The following CD109 variants were observed in gnomAD, a reference collection of about 807,000 sequenced individuals.
CD109 encodes CD109 molecule, also known as CD109 antigen.
Under a neutral mutation model 165.8 loss-of-function variants are expected in CD109, and 149 were observed. That is an observed-to-expected ratio of 0.90 (90% CI 0.79 to 1.03). The LOEUF is 1.03. Ranked by LOEUF, CD109 falls within the 50% of genes least tolerant of loss-of-function variation. The pLI is 0.00. For synonymous variants in CD109, 585 were observed against 592.1 expected (o/e 0.99, Z 0.18); for missense variants, 1,712 against 1,677.8 (o/e 1.02, Z -0.36).
chr6:73,683,322 C>G, the CD109 span, among the ~76,000 whole-genome samples: 3 of 152,168 alleles, frequency 2.0e-5, no homozygotes, highest in African/African-American at 7.2e-5. Context: ...CCAGAAATCT[C>G]TAGGGCAGGG....
At chr6:73,691,566 TCTC>T (rs1323894791), upstream of CD109, among the ~76,000 whole-genome samples, 1 of 152,204 alleles carries the variant, frequency 6.6e-6, no homozygotes, top group Non-Finnish European at 1.5e-5. Flanking sequence ...GACACCAGCT[TCTC>T]CTGCAGGTTA....
At chr6:73,760,452 A>C (rs957764572) in intron 7 of CD109, among the ~76,000 whole-genome samples, 2 of 151,424 alleles carry the variant, frequency 1.3e-5, no homozygotes, top group Admixed American at 6.6e-5. Flanking sequence ...TCTGGCAGTA[A>C]AATGTATTGC....
intron 2 of CD109, among the ~76,000 whole-genome samples, chr6:73,719,564 T>C (rs1771869059): frequency 6.6e-6 from 1 of 152,226 alleles, no homozygotes. Flanking sequence ...TTGTAACCCA[T>C]TATTTATTTT....
intron 32 of CD109, among the ~76,000 whole-genome samples, chr6:73,822,842 T>G (rs1267418122): frequency 6.6e-6 from 1 of 152,194 alleles, no homozygotes; most frequent in African/African-American, 2.4e-5. Context: ...ATGAATAAAT[T>G]TGAAAATAGA....
At chr6:73,766,488 C>CAT (rs1168394114) in intron 11 of CD109, among the ~76,000 whole-genome samples, 84 of 146,006 alleles carry the variant, frequency 5.8e-4, no homozygotes, top group East Asian at 2.6e-3. Flanking sequence ...AATATATATA[C>CAT]ATATATATAT....
intron 2 of CD109, among the ~76,000 whole-genome samples, chr6:73,699,467 C>A (rs953597039): frequency 2.6e-5 from 4 of 152,144 alleles, no homozygotes; most frequent in African/African-American, 9.7e-5. Flanking sequence ...AATATTTGAG[C>A]TTTGCTTGGA....
intron 20 of CD109, among the ~76,000 whole-genome samples, chr6:73,786,665 A>G (rs1490018742): frequency 6.6e-6 from 1 of 152,140 alleles, no homozygotes; most frequent in Non-Finnish European, 1.5e-5. Context: ...TCAATGGGAA[A>G]ATAATTCGTA....
intron 2 of CD109, among the ~76,000 whole-genome samples, chr6:73,721,570 T>C (rs1771950987): frequency 6.6e-6 from 1 of 151,976 alleles, no homozygotes; most frequent in African/African-American, 2.4e-5. Flanking sequence ...TTCACCATGT[T>C]AGCCAGGATG....
chr6:73,774,596 C>A (rs1049112003), intron 15 of CD109, among the ~76,000 whole-genome samples: 1 of 152,196 alleles, frequency 6.6e-6, no homozygotes, highest in Admixed American at 6.5e-5. Context: ...CTGGTATTAT[C>A]TTTTGGATAC....
intron 22 of CD109, 129 bp downstream of exon 22, chr6:73,788,741 C>G: frequency 1.4e-6 from 1 of 725,338 alleles, no homozygotes; most frequent in Non-Finnish European, 2.2e-6. Flanking sequence ...TTAATTGGGC[C>G]CAACAACTCA....
intron 23 of CD109, among the ~76,000 whole-genome samples, chr6:73,795,692 C>T (rs2150275687): frequency 6.6e-6 from 1 of 152,278 alleles, no homozygotes; most frequent in South Asian, 2.1e-4. Context: ...AGGCGAGTTT[C>T]CCCTTGGGAG....
At chr6:73,786,741 T>C (rs1048322363) in intron 20 of CD109, among the ~76,000 whole-genome samples, 1 of 152,210 alleles carries the variant, frequency 6.6e-6, no homozygotes, top group Non-Finnish European at 1.5e-5. Flanking sequence ...TTTACAAAAG[T>C]TTACAACCAA....
intron 2 of CD109, among the ~76,000 whole-genome samples, chr6:73,704,610 A>G (rs1456142686): frequency 2.0e-5 from 3 of 152,218 alleles, no homozygotes; most frequent in Non-Finnish European, 2.9e-5. Context: ...TAGAAAACAG[A>G]TCCCATAAGA....
In CD109 at chr6:73,696,209, C is replaced by G; in HGVS notation, c.-7C>G. On this transcript the variant is annotated 5_prime_UTR_variant, in exon 1 of 33. Coordinates refer to ENST00000287097, the MANE Select transcript of CD109 (RefSeq NM_133493.5). ...AGCGGACTGTAGCCCAGGCAGACGC[C>G]GTCGAGATGCAGGGCCCACCGCTCC... 4.5e-6 allele frequency: 7 copies of G among 1,545,664 alleles called. No individual in the cohort carries two copies. Among genetic ancestry groups the G allele is most frequent in the Non-Finnish European group, 6.1e-6 (7 of 1,149,512 alleles).
intron 7 of CD109, among the ~76,000 whole-genome samples, chr6:73,761,365 A>G (rs1773625824): frequency 6.6e-6 from 1 of 152,194 alleles, no homozygotes. Flanking sequence ...ATCTTTGGAC[A>G]GGAAACTGTC....
rs142948765 is a variant in CD109 at position 73,804,854 on chromosome 6, C to T, written c.2960+1553C>T. On this transcript the variant is annotated intron_variant, in intron 24 of 32. Coordinates refer to ENST00000287097, the MANE Select transcript of CD109 (RefSeq NM_133493.5). Reference sequence around the variant, plus strand: ...TAACTCTCTTGGACTGTCAGATTCTCAGTCTACAAAATAATGGAGCTGGAT... The same window carrying T: ...TAACTCTCTTGGACTGTCAGATTCTTAGTCTACAAAATAATGGAGCTGGAT... Among the ~76,000 whole-genome samples, 86 of 152,298 alleles carry T rather than the reference C, an allele frequency of 5.6e-4. 1 individual carries two copies. Among genetic ancestry groups the T allele is most frequent in the African/African-American group, 2.0e-3 (83 of 41,542 alleles).
At position 73,812,213 on chromosome 6, in the gene CD109, G is replaced by C. The variant is rs142493290; in HGVS notation, c.3711G>C (p.Val1237=). The change falls in exon 29 of 33, where the codon GTG becomes GTC. Residue 1237 remains valine, a synonymous_variant. Transcript: ENST00000287097. ...RLLLQTAELA[V]VQPTAVNISA... ...TTTTCACCTTGATTCAGCTTGCTGT[G>C]GTACAGCCAACGGCAGTTAATATTT... The C allele has an allele frequency of 1.2e-6, 2 of 1,608,806 alleles. No homozygotes were observed.
chr6:73,780,542 C>T, intron 16 of CD109, 44 bp downstream of exon 16: 1 of 1,238,270 alleles, frequency 8.1e-7, no homozygotes, highest in Non-Finnish European at 1.2e-6. Context: ...ATATTTTTTA[C>T]TATTGCAAAC....
At chr6:73,781,376 C>T (rs1006977375) in intron 17 of CD109, 57 bp downstream of exon 17, 2 of 1,349,510 alleles carry the variant, frequency 1.5e-6, no homozygotes, top group East Asian at 2.3e-5. Flanking sequence ...TTCAACATTA[C>T]TTATATAGGT....
Sources: gnomAD v4.1 joint callset for allele counts (sites outside exome capture counted in the v4.1 genomes callset) on GRCh38, gnomAD v4.1.1 for gene constraint, MANE v1.5 for transcripts, NCBI Gene and HGNC (gene_info 2026-07-23, HGNC 2026-07-21) for gene names.